MROH2B: variants seen among roughly 807,000 people sequenced by gnomAD.
The protein encoded by MROH2B is maestro heat like repeat family member 2B.
In MROH2B, 177 loss-of-function variants were observed where a neutral mutation model predicts 208.6. The ratio of observed to expected loss-of-function variants is 0.85; its 90% CI spans 0.75 to 0.96. The LOEUF (loss-of-function observed/expected upper bound fraction) is 0.96, where lower values mean the gene tolerates loss of function less well. Among genes scored for constraint, MROH2B ranks in the 40% least tolerant of loss-of-function variants. The pLI is 0.00. For synonymous variants in MROH2B, 728 were observed against 659.0 expected (o/e 1.10, Z -1.60); for missense variants, 2,002 against 1,878.7 (o/e 1.07, Z -1.21).
chr5:41,012,959 A>G (rs1741821815), intron 29 of MROH2B, among the ~76,000 whole-genome samples: 1 of 152,194 alleles, frequency 6.6e-6, no homozygotes, highest in South Asian at 2.1e-4. Context: ...ATCATTTCAT[A>G]TTTATTGAAT....
chr5:41,033,157 T>G lies in MROH2B; in HGVS notation c.2245A>C (p.Met749Leu). The G allele has an allele frequency of 6.2e-7, 1 of 1,612,582 alleles. No homozygotes were observed. The highest frequency in any genetic ancestry group is 8.5e-7 in the Non-Finnish European group (1 of 1,178,976). The change falls in exon 23 of 42, where the codon ATG (methionine) becomes CTG (leucine). Residue 749 changes from methionine to leucine, a missense_variant. Coordinates refer to ENST00000399564, the MANE Select transcript of MROH2B (RefSeq NM_173489.5). ...VLGMSVMNKDMDLQMSFTRSI... is the reference protein window; with the variant it reads ...VLGMSVMNKDLDLQMSFTRSI... ...CTTGTGAAACTCATTTGCAGATCCATGTCCTAAAGCAAAAGCATTTACAAT... is the reference window on the plus strand; with the variant it reads ...CTTGTGAAACTCATTTGCAGATCCAGGTCCTAAAGCAAAAGCATTTACAAT...
intron 32 of MROH2B, 46 bp downstream of exon 32, chr5:41,009,234 A>T (rs762057218): frequency 3.0e-5 from 49 of 1,607,062 alleles, no homozygotes; most frequent in Non-Finnish European, 4.1e-5. Context: ...GATCATAAAG[A>T]TGGCGCAGTC....
At chr5:41,017,083 A>G (rs775848510) in intron 28 of MROH2B, among the ~76,000 whole-genome samples, 4 of 152,218 alleles carry the variant, frequency 2.6e-5, no homozygotes, top group African/African-American at 4.8e-5. Flanking sequence ...TACCTAAAGA[A>G]TGATGTGTGG....
intron 24 of MROH2B, among the ~76,000 whole-genome samples, chr5:41,029,955 G>C (rs7714600): frequency 1.3e-5 from 2 of 151,570 alleles, no homozygotes; most frequent in Non-Finnish European, 2.9e-5. Flanking sequence ...TAAAATAAAA[G>C]TTGAAAAACA....
At position 41,038,758 on chromosome 5, in the gene MROH2B, G is replaced by A. The variant is rs774295942; in HGVS notation, c.2192C>T (p.Ser731Phe). The A allele has an allele frequency of 1.2e-6, 2 of 1,612,874 alleles. No homozygotes were observed. The highest frequency in any genetic ancestry group is 2.7e-5 in the African/African-American group (2 of 74,998). Residue 731 changes from serine (S) to phenylalanine (F), a missense_variant, in exon 21 of 42, where the codon TCT becomes TTT. Ser to Phe is a radical substitution (Grantham distance 155). Coordinates refer to ENST00000399564, the MANE Select transcript of MROH2B (RefSeq NM_173489.5). ...LNQDIISQVLSLHGQCSQVLG... is the reference protein window; with the variant it reads ...LNQDIISQVLFLHGQCSQVLG... ...TACCTGAGAGCACTGGCCATGAAGA[G>A]ACAGGACTTGGGATATGATATCTTG...
At chr5:41,021,138 A>T (rs951224698) in intron 24 of MROH2B, among the ~76,000 whole-genome samples, 1 of 152,236 alleles carries the variant, frequency 6.6e-6, no homozygotes, top group Non-Finnish European at 1.5e-5. Flanking sequence ...TTGCATTTCT[A>T]TATACAACTG....
chr5:41,009,239 G>C (rs551328221), intron 32 of MROH2B, 41 bp downstream of exon 32: 1 of 1,607,454 alleles, frequency 6.2e-7, no homozygotes, highest in Non-Finnish European at 8.5e-7. Flanking sequence ...TAAAGATGGC[G>C]CAGTCTCAGG....
At position 41,060,567 on chromosome 5, in the gene MROH2B, C is replaced by T. The variant is rs368493727; in HGVS notation, c.615+1003G>A. Among the ~76,000 whole-genome samples the T allele has an allele frequency of 1.2e-3, 181 of 152,332 alleles. 1 individual carries two copies. Among genetic ancestry groups the T allele is most frequent in the African/African-American group, 4.0e-3 (168 of 41,564 alleles). ...TCTGCCTCAGTAGGTTTTAGTCCCT[C>T]TGTAGGGAATGCACCTTCGCTGTGG... is the stretch of plus-strand genomic sequence containing the variant. On this transcript the variant is annotated intron_variant, in intron 6 of 41. Transcript: ENST00000399564.
chr5:41,039,604 C>A, intron 19 of MROH2B, 49 bp from the exon 20 acceptor site: 1 of 1,311,096 alleles, frequency 7.6e-7, no homozygotes, highest in South Asian at 1.4e-5. Context: ...TTTATTTATT[C>A]AACAAATATT....
chr5:41,007,394 C>CCTTTTTTTTT lies in MROH2B; in HGVS notation c.3668_3669insAAAAAAAAAG (p.Glu1224LysfsTer6). The CCTTTTTTTTT allele has an allele frequency of 6.4e-7, 1 of 1,561,468 alleles. No individual in the cohort carries two copies. Among genetic ancestry groups the CCTTTTTTTTT allele is most frequent in the Non-Finnish European group, 8.7e-7 (1 of 1,151,930 alleles). On this transcript the variant is annotated frameshift_variant, in exon 34 of 42. Transcript: ENST00000399564. LOFTEE classifies it high-confidence loss of function. ...ATAAGTTGTCCCCCTCATCAGATTCCTTTGCAAGGCCTTCTCTCATGGCTT... is the reference window on the plus strand; with the variant it reads ...ATAAGTTGTCCCCCTCATCAGATTCCCTTTTTTTTTTTTGCAAGGCCTTCTCTCATGGCTT...
intron 28 of MROH2B, among the ~76,000 whole-genome samples, chr5:41,016,540 G>A (rs561355155): frequency 7.5e-6 from 1 of 132,798 alleles, no homozygotes; most frequent in Non-Finnish European, 1.6e-5. Context: ...TCTCCCAGGT[G>A]TGATCTCGGC....
chr5:41,007,483 TA>T (rs1440891056), intron 33 of MROH2B, 29 bp from the exon 34 acceptor site: 1 of 1,520,776 alleles, frequency 6.6e-7, no homozygotes, highest in Non-Finnish European at 8.8e-7. Context: ...ATTACAAAAC[TA>T]AGTTGACCCT....
intron 17 of MROH2B, 146 bp downstream of exon 17, chr5:41,047,575 A>G (rs1331476717): frequency 1.5e-6 from 1 of 668,250 alleles, no homozygotes; most frequent in African/African-American, 1.8e-5. Context: ...TCCTTGAGTG[A>G]TCACTTCTAA....
chr5:41,065,793 T>G (rs1743791410), intron 3 of MROH2B, among the ~76,000 whole-genome samples: 2 of 152,124 alleles, frequency 1.3e-5, no homozygotes, highest in African/African-American at 4.8e-5. Flanking sequence ...TCAAGTTACC[T>G]CTGCTTTCCC....
intron 31 of MROH2B, 36 bp downstream of exon 31, chr5:41,009,886 T>A: frequency 6.3e-7 from 1 of 1,579,450 alleles, no homozygotes; most frequent in Non-Finnish European, 8.6e-7. Flanking sequence ...AGAGTGGCCT[T>A]CCCTAGGAGA....
rs1222298784 is a variant in MROH2B at position 41,017,955 on chromosome 5, T to G, written c.2779A>C (p.Lys927Gln). 6.3e-7 allele frequency: 1 copy of G among 1,575,622 alleles called. No homozygotes were observed. The highest frequency in any genetic ancestry group is 8.6e-7 in the Non-Finnish European group (1 of 1,159,250). Residue 927 changes from lysine (K) to glutamine (Q), a missense_variant, in exon 28 of 42, where the codon AAA becomes CAA. By Grantham distance (53) the Lys-to-Gln change is moderately conservative (BLOSUM62 1). Transcript: ENST00000399564. ...AGAAGTCCAAGCAGTGAACCAATTTTAAAGTTCTCTGGTGCCTGCAGGATA... is the reference window on the plus strand; with the variant it reads ...AGAAGTCCAAGCAGTGAACCAATTTGAAAGTTCTCTGGTGCCTGCAGGATA... ...TNDIEAPENF[K>Q]IGSLLGLLAP... is the part of the protein sequence containing the mutation.
chr5:41,007,444 C>T lies in MROH2B; in HGVS notation c.3619G>A (p.Ala1207Thr). 6.4e-7 allele frequency: 1 copy of T among 1,573,302 alleles called. No individual in the cohort carries two copies. Among genetic ancestry groups the T allele is most frequent in the African/African-American group, 1.4e-5 (1 of 73,612 alleles). Reference sequence around the variant, plus strand: ...TGGGCTTGCAAACATTTTAAAGTAGCAGTTGAAAGCCTAAAGGAGACAGTC... The same window carrying T: ...TGGGCTTGCAAACATTTTAAAGTAGTAGTTGAAAGCCTAAAGGAGACAGTC... ...QIPDPCRLST[A>T]TLKCLQAQAM... is the part of the protein sequence containing the mutation. The change falls in exon 34 of 42, where the codon GCT becomes ACT. Residue 1207 changes from alanine (A) to threonine (T), a missense_variant. Transcript: ENST00000399564.
chr5:41,039,532 G>A lies in MROH2B; in HGVS notation c.1977C>T (p.Tyr659=), dbSNP rs1742878378. ...QRQGITSILG[Y]CAENHLDIVL... is the part of the protein sequence containing the mutation. ...CAATATCCAAATGGTTCTCGGCACA[G>A]TATCCTAAAATAGATGTTATTCCCT... is the stretch of plus-strand genomic sequence containing the variant. Residue 659 remains tyrosine, a synonymous_variant, in exon 20 of 42, where the codon TAC becomes TAT. Coordinates refer to ENST00000399564, the MANE Select transcript of MROH2B (RefSeq NM_173489.5). The A allele has an allele frequency of 1.2e-6, 2 of 1,602,604 alleles. No individual in the cohort carries two copies. The highest frequency in any genetic ancestry group is 2.7e-5 in the African/African-American group (2 of 74,718).
rs1314354601 is a variant in MROH2B at position 41,050,900 on chromosome 5, A to G, written c.1344+77T>C. On this transcript the variant is annotated intron_variant, in intron 13 of 41. Coordinates refer to ENST00000399564, the MANE Select transcript of MROH2B (RefSeq NM_173489.5). ...CTGATGACAAATGGAGAACAAACTC[A>G]TGTCTTTATTCTTACACAGGCTGGG... is the stretch of plus-strand genomic sequence containing the variant. The G allele has an allele frequency of 1.8e-5, 17 of 944,868 alleles. No individual in the cohort carries two copies. In the East Asian group the frequency reaches 4.6e-4, roughly 25 times the overall value. 58.5% of individuals were successfully genotyped at this position (944,868 alleles called of 1,614,324 possible).
Sources: gnomAD v4.1 joint callset for allele counts (sites outside exome capture counted in the v4.1 genomes callset) on GRCh38, gnomAD v4.1.1 for gene constraint, MANE v1.5 for transcripts, NCBI Gene and HGNC (gene_info 2026-07-23, HGNC 2026-07-21) for gene names.